Variants in CD200 observed in about 807,000 individuals in gnomAD.
CD200 encodes the protein OX-2 membrane glycoprotein.
In CD200, 15 loss-of-function variants were observed where a neutral mutation model predicts 30.9. The observed-to-expected ratio is 0.49, with a 90% confidence interval of 0.32 to 0.75. The LOEUF (loss-of-function observed/expected upper bound fraction) is 0.75. Among genes scored for constraint, CD200 ranks in the 30% least tolerant of loss-of-function variants. The pLI is 0.03. For missense variants in CD200, 262 were observed against 324.2 expected, an observed-to-expected ratio of 0.81 and a Z score of 1.47; for synonymous variants, 134 against 126.2, an observed-to-expected ratio of 1.06 and a Z score of -0.41.
upstream of CD200, chr3:112,332,755 T>C (rs1020844047): frequency 6.6e-6 from 1 of 151,236 alleles, no homozygotes; most frequent in African/African-American, 2.7e-5. Flanking sequence ...GATTTAAAAA[T>C]AATAAATGTA....
chr3:112,359,819 A>T (rs2081702268), intron 5 of CD200, among the ~76,000 whole-genome samples: 1 of 152,208 alleles, frequency 6.6e-6, no homozygotes. Flanking sequence ...TAGCACAAGG[A>T]AATAATATAG....
At chr3:112,349,584 G>A (rs959598923) in intron 4 of CD200, 128 bp from the exon 5 acceptor site, 3 of 511,096 alleles carry the variant, frequency 5.9e-6, no homozygotes, top group Admixed American at 4.0e-5. Flanking sequence ...AAAATAATAT[G>A]AAGTCATACG....
intron 2 of CD200, among the ~76,000 whole-genome samples, chr3:112,344,021 C>T (rs1475440345): frequency 1.3e-5 from 2 of 152,132 alleles, no homozygotes; most frequent in Non-Finnish European, 2.9e-5. Flanking sequence ...TCTTCAGTAG[C>T]ATCTATTTTG....
chr3:112,341,599 A>T (rs1365043405), intron 2 of CD200, among the ~76,000 whole-genome samples: 1 of 152,208 alleles, frequency 6.6e-6, no homozygotes, highest in East Asian at 1.9e-4. Context: ...GCTGGTGAAG[A>T]TCAGATAGGC....
chr3:112,347,028 C>T (rs191945832), intron 3 of CD200, among the ~76,000 whole-genome samples: 3 of 152,268 alleles, frequency 2.0e-5, no homozygotes, highest in Admixed American at 6.5e-5. Flanking sequence ...CTCCTCCATG[C>T]GTCTAATTCA....
At chr3:112,340,247 C>T (rs138382447) in intron 1 of CD200, among the ~76,000 whole-genome samples, 1 of 152,200 alleles carries the variant, frequency 6.6e-6, no homozygotes, top group Admixed American at 6.5e-5. Flanking sequence ...GTTCAACTGC[C>T]TCTACCCTGA....
At chr3:112,359,049 C>G (rs1200720759) in intron 5 of CD200, among the ~76,000 whole-genome samples, 3 of 152,148 alleles carry the variant, frequency 2.0e-5, no homozygotes, top group Non-Finnish European at 2.9e-5. Flanking sequence ...TCAGGTAGTC[C>G]TTAGGTATTC....
chr3:112,344,292 T>C (rs2081333744), intron 2 of CD200, among the ~76,000 whole-genome samples: 1 of 152,230 alleles, frequency 6.6e-6, no homozygotes, highest in Non-Finnish European at 1.5e-5. Flanking sequence ...CATCAAATAA[T>C]GTATGATGGT....
chr3:112,362,051 T>C lies in CD200; in HGVS notation c.*501T>C, dbSNP rs1266876853. ...GAATACAGAGAGCTTACCTTTTGCC[T>C]TTCTGTTGATGTTACATCTCTTCTT... On this transcript the variant is annotated 3_prime_UTR_variant, in exon 6 of 6. Coordinates refer to ENST00000315711, the MANE Select transcript of CD200 (RefSeq NM_005944.7). 6.4e-6 allele frequency: 1 copy of C among 155,358 alleles called. No homozygotes were observed. Among genetic ancestry groups the C allele is most frequent in the African/African-American group, 2.4e-5 (1 of 41,490 alleles). 9.6% of individuals were successfully genotyped at this position (155,358 alleles called of 1,614,324 possible). A position where few individuals can be genotyped will look rare whatever the true frequency, so the allele number is the denominator to read the frequency against.
intron 3 of CD200, among the ~76,000 whole-genome samples, chr3:112,346,071 AG>A (rs35586463): frequency 6.6e-6 from 1 of 152,046 alleles, no homozygotes; most frequent in Non-Finnish European, 1.5e-5. Flanking sequence ...TATTGCCCAC[AG>A]GGAAGAAAAG....
chr3:112,353,968 G>C lies in CD200; in HGVS notation c.802+4149G>C, dbSNP rs553853416. ...GAACTGCTTAGATTAGTATTGCTGG[G>C]AGAAATCTTGAATTCCAGGGCTATT... On this transcript the variant is annotated intron_variant, in intron 5 of 5. Transcript: ENST00000315711. 3.3e-5 allele frequency among the ~76,000 whole-genome samples: 5 copies of C among 152,266 alleles called. No homozygotes were observed. The South Asian group carries it at 1.0e-3, about 32-fold the overall frequency.
At chr3:112,343,323 T>C (rs2081311312) in intron 2 of CD200, among the ~76,000 whole-genome samples, 1 of 152,006 alleles carries the variant, frequency 6.6e-6, no homozygotes, top group South Asian at 2.1e-4. Context: ...CTTTTCTTTG[T>C]GACATGGACT....
chr3:112,347,353 G>A (rs1169722725), intron 3 of CD200, among the ~76,000 whole-genome samples: 1 of 152,198 alleles, frequency 6.6e-6, no homozygotes, highest in African/African-American at 2.4e-5. Context: ...TCACAGGTTT[G>A]TACTAGGCCA....
At chr3:112,342,386 T>C (rs2081280221) in intron 2 of CD200, among the ~76,000 whole-genome samples, 190 of 55,584 alleles carry the variant, frequency 3.4e-3, no homozygotes, top group Middle Eastern at 7.8e-3. Context: ...TCTTTCTTTC[T>C]TTCTTTCTTT....
intron 5 of CD200, among the ~76,000 whole-genome samples, chr3:112,357,596 G>C (rs1256713371): frequency 6.6e-6 from 1 of 152,210 alleles, no homozygotes; most frequent in Non-Finnish European, 1.5e-5. Context: ...GTTTAGAGAG[G>C]TAAATGGAGG....
rs561229544 is a variant in CD200 at position 112,357,253 on chromosome 3, T to G, written c.803-4290T>G. Reference sequence around the variant, plus strand: ...TCCAGCCTGGGGGACAGAGCGAGACTGTCTCAAAAAAAAAAAAAAAAGAAA... The same window carrying G: ...TCCAGCCTGGGGGACAGAGCGAGACGGTCTCAAAAAAAAAAAAAAAAGAAA... On this transcript the variant is annotated intron_variant, in intron 5 of 5. Coordinates refer to ENST00000315711, the MANE Select transcript of CD200 (RefSeq NM_005944.7). Among the ~76,000 whole-genome samples, 103 of 107,088 alleles carry G rather than the reference T, an allele frequency of 9.6e-4. No homozygotes were observed. In the East Asian group the frequency reaches 0.021, roughly 22 times the overall value. The allele number at this position is 107,088 out of a possible 152,430, so 70.3% of individuals were successfully genotyped here.
rs192602506 is a variant in CD200 at position 112,350,708 on chromosome 3, G to A, written c.802+889G>A. Among the ~76,000 whole-genome samples the A allele has an allele frequency of 3.7e-3, 556 of 152,320 alleles. 8 individuals carry two copies. The highest frequency in any genetic ancestry group is 0.012 in the African/African-American group (513 of 41,582). On this transcript the variant is annotated intron_variant, in intron 5 of 5. Coordinates refer to ENST00000315711, the MANE Select transcript of CD200 (RefSeq NM_005944.7). ...CTCCATTTCAGATGACTGAAGGATA[G>A]GGGTCAGGAAAGAAAAATAGTTGGC...
Position 112,361,698 on chromosome 3 carries a change from A to G in CD200, c.*148A>G. On this transcript the variant is annotated 3_prime_UTR_variant, in exon 6 of 6. Transcript: ENST00000315711. ...AGCCTTAAGGATCCCACGACTTTTT[A>G]CTGCCATCTGAGCTACTCAGTGTTT... is the stretch of plus-strand genomic sequence containing the variant. 1 of 758,992 alleles carries G rather than the reference A, an allele frequency of 1.3e-6. No homozygotes were observed. Among genetic ancestry groups the G allele is most frequent in the Non-Finnish European group, 2.4e-6 (1 of 420,858 alleles). The allele number at this position is 758,992 out of a possible 1,614,324, so 47.0% of individuals were successfully genotyped here.
At chr3:112,359,667 T>C (rs553690836) in intron 5 of CD200, among the ~76,000 whole-genome samples, 2 of 152,322 alleles carry the variant, frequency 1.3e-5, no homozygotes, top group East Asian at 3.9e-4. Context: ...TTAATATGCT[T>C]GGCATTGTAA....
Sources: gnomAD v4.1 joint callset for allele counts (sites outside exome capture counted in the v4.1 genomes callset) on GRCh38, gnomAD v4.1.1 for gene constraint, MANE v1.5 for transcripts, NCBI Gene and HGNC (gene_info 2026-07-23, HGNC 2026-07-21) for gene names.